Variants in LHFPL3 observed in about 807,000 individuals in gnomAD.
LHFPL3 encodes LHFPL tetraspan subfamily member 3.
LHFPL3 carries 5 observed loss-of-function variants against 19.3 expected under a neutral mutation model. The observed-to-expected ratio is 0.26, with a 90% CI of 0.14 to 0.54. The LOEUF (loss-of-function observed/expected upper bound fraction) is 0.54. Ranked by LOEUF, LHFPL3 falls within the 20% of genes least tolerant of loss-of-function variation. LHFPL3 has a pLI of 0.94. For synonymous variants in LHFPL3, 133 were observed against 126.2 expected (o/e 1.05, Z -0.36); for missense variants, 249 against 307.4 (o/e 0.81, Z 1.42).
At chr7:104,737,683 C>G in intron 2 of LHFPL3, among the ~76,000 whole-genome samples, 1 of 152,112 alleles carries the variant, frequency 6.6e-6, no homozygotes, top group Non-Finnish European at 1.5e-5. Flanking sequence ...TTTGGTGTCT[C>G]TGTTTTTTTA....
intron 1 of LHFPL3, among the ~76,000 whole-genome samples, chr7:104,509,652 T>C (rs1278618740): frequency 1.3e-5 from 2 of 152,042 alleles, no homozygotes; most frequent in East Asian, 3.8e-4. Flanking sequence ...AAAAATTAAA[T>C]GCTTTGCCTG....
chr7:104,857,229 A>T (rs779926387), intron 2 of LHFPL3, among the ~76,000 whole-genome samples: 1 of 146,522 alleles, frequency 6.8e-6, no homozygotes, highest in Non-Finnish European at 1.5e-5. Context: ...CTTTTTATTC[A>T]CCGCTACCAC....
chr7:104,773,973 G>C (rs537152982), intron 2 of LHFPL3, among the ~76,000 whole-genome samples: 3 of 152,200 alleles, frequency 2.0e-5, no homozygotes, highest in Non-Finnish European at 4.4e-5. Flanking sequence ...CCCTAGAGAC[G>C]AACACAAAGG....
intron 1 of LHFPL3, among the ~76,000 whole-genome samples, chr7:104,373,910 TGGCAAA>T (rs551473579): frequency 1.1e-3 from 172 of 151,898 alleles, no homozygotes; most frequent in African/African-American, 3.8e-3. Flanking sequence ...TTTCAAGATA[TGGCAAA>T]AACAAAAACA....
chr7:104,524,764 C>G (rs1364829356), intron 1 of LHFPL3, among the ~76,000 whole-genome samples: 3 of 152,182 alleles, frequency 2.0e-5, no homozygotes, highest in African/African-American at 7.2e-5. Context: ...TTGTATTTGA[C>G]CCACAGTCCC....
chr7:104,880,411 C>A (rs1294169505), intron 2 of LHFPL3, among the ~76,000 whole-genome samples: 1 of 152,116 alleles, frequency 6.6e-6, no homozygotes, highest in Non-Finnish European at 1.5e-5. Flanking sequence ...CCAAATAAAT[C>A]TCTTTCTGCA....
chr7:104,488,776 A>C (rs1014164075), intron 1 of LHFPL3, among the ~76,000 whole-genome samples: 9 of 152,220 alleles, frequency 5.9e-5, no homozygotes, highest in Admixed American at 5.9e-4. Context: ...AGGACGCAGC[A>C]TGTTGAGAAT....
At chr7:104,805,203 C>T (rs1002448543) in intron 2 of LHFPL3, among the ~76,000 whole-genome samples, 13 of 152,230 alleles carry the variant, frequency 8.5e-5, no homozygotes, top group African/African-American at 2.9e-4. Context: ...ACAGATTCCT[C>T]AGGACTTAAC....
chr7:104,474,082 A>C (rs1314016029), intron 1 of LHFPL3, among the ~76,000 whole-genome samples: 2 of 152,152 alleles, frequency 1.3e-5, no homozygotes, highest in African/African-American at 2.4e-5. Context: ...AAGCTAGGGG[A>C]CACATGTGAT....
intron 1 of LHFPL3, among the ~76,000 whole-genome samples, chr7:104,676,745 T>C (rs1792600660): frequency 6.6e-6 from 1 of 152,208 alleles, no homozygotes; most frequent in Non-Finnish European, 1.5e-5. Flanking sequence ...GTAAAAATGG[T>C]CTTTCTGAAA....
intron 1 of LHFPL3, among the ~76,000 whole-genome samples, chr7:104,712,615 T>C (rs1793317684): frequency 6.6e-6 from 1 of 152,196 alleles, no homozygotes; most frequent in Admixed American, 6.5e-5. Flanking sequence ...AGCCAAAGAA[T>C]GCAGGCAGCC....
chr7:104,839,491 A>AC (rs1194990529), intron 2 of LHFPL3, among the ~76,000 whole-genome samples: 1 of 151,968 alleles, frequency 6.6e-6, no homozygotes, highest in Admixed American at 6.6e-5. Context: ...ATATGGCAAA[A>AC]CCCCCCTCTC....
intron 2 of LHFPL3, among the ~76,000 whole-genome samples, chr7:104,903,249 G>T (rs1443120881): frequency 1.3e-5 from 2 of 152,108 alleles, no homozygotes; most frequent in Admixed American, 6.6e-5. Flanking sequence ...AAACCAGGCA[G>T]CTTAGCACCA....
intron 1 of LHFPL3, among the ~76,000 whole-genome samples, chr7:104,550,334 A>G (rs1794643364): frequency 6.6e-6 from 1 of 152,156 alleles, no homozygotes. Flanking sequence ...TAACCATCAC[A>G]GCAGTCATTT....
chr7:104,722,348 C>T (rs889415457), intron 1 of LHFPL3, among the ~76,000 whole-genome samples: 3 of 152,186 alleles, frequency 2.0e-5, no homozygotes, highest in African/African-American at 7.2e-5. Context: ...TCAGACACAA[C>T]ATTCTAACTC....
chr7:104,587,298 T>A (rs1790600548), intron 1 of LHFPL3, among the ~76,000 whole-genome samples: 1 of 152,070 alleles, frequency 6.6e-6, no homozygotes, highest in African/African-American at 2.4e-5. Context: ...GGCCCCAGTG[T>A]GTGATGTTCC....
intron 1 of LHFPL3, among the ~76,000 whole-genome samples, chr7:104,333,833 A>G (rs140222759): frequency 6.6e-6 from 1 of 152,360 alleles, no homozygotes; most frequent in East Asian, 1.9e-4. Flanking sequence ...TGAAAGTTCC[A>G]TAAGGCCTTG....
chr7:104,576,400 A>G (rs1373627973), intron 1 of LHFPL3, among the ~76,000 whole-genome samples: 1 of 152,204 alleles, frequency 6.6e-6, no homozygotes, highest in African/African-American at 2.4e-5. Flanking sequence ...GACTGCAAAC[A>G]CACTATTTAT....
At chr7:104,698,401 TTCAG>T (rs1317321788) in intron 1 of LHFPL3, among the ~76,000 whole-genome samples, 3 of 152,186 alleles carry the variant, frequency 2.0e-5, no homozygotes, top group East Asian at 1.9e-4. Flanking sequence ...TTTTTTGGGT[TTCAG>T]TCAAAGTTTA....
Sources: gnomAD v4.1 joint callset for allele counts (sites outside exome capture counted in the v4.1 genomes callset) on GRCh38, gnomAD v4.1.1 for gene constraint, MANE v1.5 for transcripts, NCBI Gene and HGNC (gene_info 2026-07-23, HGNC 2026-07-21) for gene names.